EXOC4: variants seen among roughly 807,000 people sequenced by gnomAD.
EXOC4 encodes the protein SEC8-like 1.
Under a neutral mutation model 107.2 loss-of-function variants are expected in EXOC4, and 71 were observed. The observed-to-expected ratio is 0.66, with a 90% confidence interval of 0.55 to 0.81. EXOC4 has a LOEUF of 0.81. Among genes scored for constraint, EXOC4 ranks in the 30% least tolerant of loss-of-function variants. EXOC4 has a pLI of 0.00. For missense variants in EXOC4, 1,108 were observed against 1,189.6 expected (o/e 0.93, Z 1.01); for synonymous variants, 456 against 441.2 (o/e 1.03, Z -0.42).
intron 8 of EXOC4, 33 bp from the exon 9 acceptor site, chr7:133,480,017 C>T (rs562342594): frequency 3.2e-6 from 5 of 1,580,868 alleles, no homozygotes; most frequent in Non-Finnish European, 4.3e-6. Context: ...TGGTTTACAC[C>T]TGCTTGTCTG....
chr7:133,664,216 T>C (rs1793760735), intron 10 of EXOC4, among the ~76,000 whole-genome samples: 1 of 152,190 alleles, frequency 6.6e-6, no homozygotes, highest in African/African-American at 2.4e-5. Context: ...CTGTTGCCCT[T>C]ATTACCATGC....
At chr7:133,632,588 T>C (rs936247369) in intron 10 of EXOC4, among the ~76,000 whole-genome samples, 1 of 152,194 alleles carries the variant, frequency 6.6e-6, no homozygotes, top group African/African-American at 2.4e-5. Context: ...GGATTTATTA[T>C]TTCTTCTAAA....
At chr7:133,755,225 TATATATATA>T (rs1462661160) in intron 10 of EXOC4, among the ~76,000 whole-genome samples, 97 of 117,456 alleles carry the variant, frequency 8.3e-4, no homozygotes, top group Admixed American at 2.5e-3. Context: ...TGTGTGTGTA[TATATATATA>T]ATATATATAA....
At chr7:133,901,207 T>C (rs1799444596) in intron 12 of EXOC4, among the ~76,000 whole-genome samples, 2 of 152,316 alleles carry the variant, frequency 1.3e-5, no homozygotes, top group African/African-American at 2.4e-5. Flanking sequence ...TTTCAGCCTA[T>C]TGAGATATTT....
intron 11 of EXOC4, among the ~76,000 whole-genome samples, chr7:133,885,368 C>T (rs1051760297): frequency 1.3e-5 from 2 of 151,964 alleles, no homozygotes; most frequent in African/African-American, 4.8e-5. Flanking sequence ...TCTGATTTCA[C>T]CTTACCAGAT....
At chr7:133,772,096 C>A (rs1216386422) in intron 10 of EXOC4, among the ~76,000 whole-genome samples, 1 of 151,890 alleles carries the variant, frequency 6.6e-6, no homozygotes, top group Non-Finnish European at 1.5e-5. Context: ...CATATTCCCC[C>A]TTCCCGTAAC....
intron 7 of EXOC4, among the ~76,000 whole-genome samples, chr7:133,376,779 G>T (rs1796499957): frequency 6.6e-6 from 1 of 152,086 alleles, no homozygotes; most frequent in Non-Finnish European, 1.5e-5. Flanking sequence ...ACCTCAGAAA[G>T]GTCACACCTT....
intron 7 of EXOC4, among the ~76,000 whole-genome samples, chr7:133,380,407 GT>G (rs1387005867): frequency 6.6e-6 from 1 of 151,710 alleles, no homozygotes; most frequent in African/African-American, 2.4e-5. Context: ...GATTTCAGTG[GT>G]TTTTTAATTA....
chr7:133,557,718 C>T (rs562828175), intron 9 of EXOC4, among the ~76,000 whole-genome samples: 5 of 152,230 alleles, frequency 3.3e-5, no homozygotes, highest in East Asian at 1.9e-4. Context: ...TGGCCGGGCG[C>T]GGTGGCTCAC....
At chr7:133,852,332 C>T (rs1798254990) in intron 11 of EXOC4, among the ~76,000 whole-genome samples, 1 of 151,634 alleles carries the variant, frequency 6.6e-6, no homozygotes, top group Non-Finnish European at 1.5e-5. Flanking sequence ...AAGCCATTCT[C>T]CTGCCTCAGC....
At chr7:133,331,461 C>CT (rs58568173) in intron 5 of EXOC4, among the ~76,000 whole-genome samples, 7 of 85,588 alleles carry the variant, frequency 8.2e-5, no homozygotes, top group South Asian at 8.6e-4. Context: ...TTTCTTTTTT[C>CT]TTTTTTTTTT....
At chr7:134,032,266 T>A (rs1795287848) in intron 17 of EXOC4, among the ~76,000 whole-genome samples, 1 of 152,234 alleles carries the variant, frequency 6.6e-6, no homozygotes, top group African/African-American at 2.4e-5. Context: ...CAGTGTGTAT[T>A]GCCCTAAGTC....
intron 16 of EXOC4, 105 bp downstream of exon 16, chr7:134,005,195 T>A (rs189886060): frequency 8.4e-7 from 1 of 1,188,012 alleles, no homozygotes; most frequent in East Asian, 2.4e-5. Flanking sequence ...AAGAGTTGTT[T>A]GCTTGCTTGC....
chr7:134,078,146 T>TC, the EXOC4 span, among the ~76,000 whole-genome samples: 3 of 152,028 alleles, frequency 2.0e-5, no homozygotes, highest in African/African-American at 7.2e-5. Flanking sequence ...CAATCCTGGA[T>TC]CCCCCCAGTT....
chr7:133,838,047 A>G (rs1336472259), intron 11 of EXOC4, among the ~76,000 whole-genome samples: 1 of 152,194 alleles, frequency 6.6e-6, no homozygotes, highest in Non-Finnish European at 1.5e-5. Flanking sequence ...TGGATTTTAT[A>G]ACATGTTTAT....
intron 14 of EXOC4, among the ~76,000 whole-genome samples, chr7:133,958,568 C>T (rs1800869470): frequency 6.6e-6 from 1 of 152,158 alleles, no homozygotes; most frequent in South Asian, 2.1e-4. Flanking sequence ...AACAATCTTT[C>T]CTATAGTACC....
At chr7:133,591,963 A>T (rs1456804517) in intron 9 of EXOC4, among the ~76,000 whole-genome samples, 1 of 152,114 alleles carries the variant, frequency 6.6e-6, no homozygotes, top group East Asian at 1.9e-4. Flanking sequence ...TCCACTCAGT[A>T]CTCTAAAATT....
intron 11 of EXOC4, among the ~76,000 whole-genome samples, chr7:133,822,756 A>G (rs1280168401): frequency 6.6e-6 from 1 of 152,176 alleles, no homozygotes; most frequent in East Asian, 1.9e-4. Context: ...CCAGCCCTCT[A>G]AGTGATTTTG....
At position 133,674,018 on chromosome 7, in the gene EXOC4, C is replaced by G. The variant is rs562552556; in HGVS notation, c.1514+43877C>G. On this transcript the variant is annotated intron_variant, in intron 10 of 17. Coordinates refer to ENST00000253861, the MANE Select transcript of EXOC4 (RefSeq NM_021807.4). ...TATTCTTAAGACCTACTGTGACTTTCTATAGTGGAGTTCAAGGAAGGCAAG... is the reference window on the plus strand; with the variant it reads ...TATTCTTAAGACCTACTGTGACTTTGTATAGTGGAGTTCAAGGAAGGCAAG... 4.6e-5 allele frequency among the ~76,000 whole-genome samples: 7 copies of G among 152,222 alleles called. No individual in the cohort carries two copies. The South Asian group carries it at 1.4e-3, about 32-fold the overall frequency.
Sources: allele counts gnomAD v4.1 joint callset (sites outside exome capture counted in the v4.1 genomes callset), GRCh38; gene constraint gnomAD v4.1.1; transcripts MANE v1.5; gene names NCBI Gene and HGNC (gene_info 2026-07-23, HGNC 2026-07-21).